The following OR4D9 variants were observed in gnomAD, a reference collection of about 807,000 sequenced individuals.
The protein encoded by OR4D9 is olfactory receptor family 4 subfamily D member 9.
A neutral mutation model predicts 0.8 loss-of-function variants in OR4D9; 2 were observed. That is an observed-to-expected ratio of 2.58 (90% confidence interval 1.06 to 8.13). The LOEUF is 8.13. Ranked by LOEUF, OR4D9 falls within the 30% of genes most tolerant of loss-of-function variation. OR4D9 has a pLI of 0.04. For synonymous variants in OR4D9, 146 were observed against 151.2 expected, an observed-to-expected ratio of 0.97 and a Z score of 0.25; for missense variants, 399 against 384.7, an observed-to-expected ratio of 1.04 and a Z score of -0.31.
rs1859390955 is a variant in OR4D9 at position 59,515,420 on chromosome 11, G to A, written c.508G>A (p.Gly170Arg). 2.5e-6 allele frequency: 4 copies of A among 1,613,864 alleles called. No homozygotes were observed. The highest frequency in any genetic ancestry group is 1.6e-4 in the Middle Eastern group (1 of 6,084). The change falls in exon 3 of 3, where the codon GGA (glycine) becomes AGA (arginine). Residue 170 changes from glycine (G) to arginine (R), a missense_variant. Transcript: ENST00000641962. Reference protein sequence around the residue: ...ISLLLPLPFCGPNVLDTFYCD... With the variant: ...ISLLLPLPFCRPNVLDTFYCD... ...TCTATTGCTCCCACTCCCTTTCTGT[G>A]GACCCAATGTTCTTGACACTTTCTA...
rs1300933947 is a variant in OR4D9, at chr11:59,516,618, C to A, written c.*761C>A. 5 of 152,200 alleles carry A rather than the reference C, an allele frequency of 3.3e-5. No individual in the cohort carries two copies. Among genetic ancestry groups the A allele is most frequent in the African/African-American group, 1.2e-4 (5 of 41,432 alleles). 9.4% of individuals were successfully genotyped at this position (152,200 alleles called of 1,614,324 possible). ...CAAGGGGAAAAAGATCAGAAAAGAA[C>A]AATCCAAGCAAGGAAAACAACATGT... On this transcript the variant is annotated 3_prime_UTR_variant, in exon 3 of 3. Coordinates refer to ENST00000641962, the MANE Select transcript of OR4D9 (RefSeq NM_001004711.2).
rs557182005 is a variant in OR4D9 at position 59,519,662 on chromosome 11, T to G, written c.*3805T>G. ...CAAGTTCGATTAATGCAGAAGCTCC[T>G]TTAGCAATGAATGTTCTCCAAAACT... On this transcript the variant is annotated 3_prime_UTR_variant, in exon 3 of 3. Coordinates refer to ENST00000641962, the MANE Select transcript of OR4D9 (RefSeq NM_001004711.2). 1 of 152,330 alleles carries G rather than the reference T, an allele frequency of 6.6e-6. No individual in the cohort carries two copies. The highest frequency in any genetic ancestry group is 2.1e-4 in the South Asian group (1 of 4,826). The allele number at this position is 152,330 out of a possible 1,614,324, so 9.4% of individuals were successfully genotyped here.
rs147595168 is a variant in OR4D9, at chr11:59,514,987, G to A, written c.75G>A (p.Gln25=). Residue 25 remains glutamine, a synonymous_variant, in exon 3 of 3, where the codon CAG becomes CAA. Transcript: ENST00000641962. ...TTACTCAGTCCCGAGAACTGAGCCA[G>A]GTCTTATTTACCTTCCTGTTTTTGG... ...LGITQSRELS[Q]VLFTFLFLVY... 2 of 1,614,070 alleles carry A rather than the reference G, an allele frequency of 1.2e-6. No individual in the cohort carries two copies. Among genetic ancestry groups the A allele is most frequent in the East Asian group, 2.2e-5 (1 of 44,878 alleles).
intron 1 of OR4D9, among the ~76,000 whole-genome samples, chr11:59,513,552 CT>C (rs1224714123): frequency 6.6e-6 from 1 of 152,108 alleles, no homozygotes; most frequent in Non-Finnish European, 1.5e-5. Flanking sequence ...ATTCTCATTG[CT>C]GTATAGTATT....
In OR4D9 at chr11:59,515,870, A is replaced by G. The variant is rs1859399026; in HGVS notation, c.*13A>G. ...TTTAATTCAATAAGGGTAAGATAGT[A>G]CCCATATTTAAAGATAGACATTAAA... On this transcript the variant is annotated 3_prime_UTR_variant, in exon 3 of 3. Coordinates refer to ENST00000641962, the MANE Select transcript of OR4D9 (RefSeq NM_001004711.2). The G allele has an allele frequency of 1.9e-6, 3 of 1,540,558 alleles. No individual in the cohort carries two copies. The highest frequency in any genetic ancestry group is 1.9e-5 in the Admixed American group (1 of 51,578).
chr11:59,519,250 G>A lies in OR4D9; in HGVS notation c.*3393G>A, dbSNP rs185710479. On this transcript the variant is annotated 3_prime_UTR_variant, in exon 3 of 3. Transcript: ENST00000641962. ...CGCCTGTAGTCCTAGCTACTCAGGAGACTGAGCTGGGAGGATCACTTGAGC... is the reference window on the plus strand; with the variant it reads ...CGCCTGTAGTCCTAGCTACTCAGGAAACTGAGCTGGGAGGATCACTTGAGC... 6.6e-6 allele frequency: 1 copy of A among 152,136 alleles called. No homozygotes were observed. Among genetic ancestry groups the A allele is most frequent in the East Asian group, 1.9e-4 (1 of 5,168 alleles). The allele number at this position is 152,136 out of a possible 1,614,324, so 9.4% of individuals were successfully genotyped here.
chr11:59,514,584 TTTC>T (rs1174601062), intron 1 of OR4D9, 86 bp from the exon 2 acceptor site: 6 of 202,788 alleles, frequency 3.0e-5, no homozygotes, highest in Middle Eastern at 1.8e-3. Flanking sequence ...TATATTCAGA[TTTC>T]TTCTTATTAT....
chr11:59,516,193 AT>A lies in OR4D9; in HGVS notation c.*337del. 5.1e-6 allele frequency: 1 copy of A among 196,134 alleles called. No homozygotes were observed. Among genetic ancestry groups the A allele is most frequent in the Non-Finnish European group, 1.1e-5 (1 of 95,212 alleles). 12.1% of individuals were successfully genotyped at this position (196,134 alleles called of 1,614,324 possible). A position where few individuals can be genotyped will look rare whatever the true frequency, so the allele number is the denominator to read the frequency against. On this transcript the variant is annotated 3_prime_UTR_variant, in exon 3 of 3. Transcript: ENST00000641962. ...TAACCCAAAATACTTATTAAAAAATATAAACAGGCCAGGCGTGGTGGCTCAC... is the reference window on the plus strand; with the variant it reads ...TAACCCAAAATACTTATTAAAAAATAAAACAGGCCAGGCGTGGTGGCTCAC...
chr11:59,511,555 C>G lies in OR4D9; in HGVS notation c.-316C>G, dbSNP rs1252891995. 1 of 152,154 alleles carries G rather than the reference C, an allele frequency of 6.6e-6. No individual in the cohort carries two copies. Among genetic ancestry groups the G allele is most frequent in the Non-Finnish European group, 1.5e-5 (1 of 68,020 alleles). The allele number at this position is 152,154 out of a possible 1,614,324, so 9.4% of individuals were successfully genotyped here. A position where few individuals can be genotyped will look rare whatever the true frequency, so the allele number is the denominator to read the frequency against. On this transcript the variant is annotated 5_prime_UTR_variant, in exon 1 of 3. Coordinates refer to ENST00000641962, the MANE Select transcript of OR4D9 (RefSeq NM_001004711.2). ...ATTAAACAGAGAATTTCCCCAGTAC[C>G]TACTTCTTCTAAAATGCAGCTGAGG... is the stretch of plus-strand genomic sequence containing the variant.
chr11:59,514,900 G>T lies in OR4D9; in HGVS notation c.-13G>T. The stretch of plus-strand genomic sequence containing the variant: ...TCTTCCAGAGATGAACCTGATAAAG[G>T]ATCTGTGATTCAATGGATCAGAGAA... On this transcript the variant is annotated 5_prime_UTR_variant, in exon 3 of 3. Transcript: ENST00000641962. The T allele has an allele frequency of 6.6e-7, 1 of 1,513,498 alleles. No individual in the cohort carries two copies. Among genetic ancestry groups the T allele is most frequent in the Non-Finnish European group, 9.1e-7 (1 of 1,095,066 alleles). The allele number at this position is 1,513,498 out of a possible 1,614,324, so 93.8% of individuals were successfully genotyped here. A position where few individuals can be genotyped will look rare whatever the true frequency, so the allele number is the denominator to read the frequency against.
chr11:59,512,021 A>T (rs904536457), intron 1 of OR4D9, among the ~76,000 whole-genome samples: 3 of 152,212 alleles, frequency 2.0e-5, no homozygotes, highest in Non-Finnish European at 4.4e-5. Flanking sequence ...TAATGACAAG[A>T]TTATCTGTGC....
chr11:59,515,178 CA>C lies in OR4D9; in HGVS notation c.271del (p.Thr91ProfsTer27). On this transcript the variant is annotated frameshift_variant, in exon 3 of 3. Coordinates refer to ENST00000641962, the MANE Select transcript of OR4D9 (RefSeq NM_001004711.2). LOFTEE classifies it low-confidence loss of function (END_TRUNC). ...GTCCTGATAGATCTTCTATCAGAGA[CA>C]AAAACCATCTCCTTCAGTGGCTGTG... ...PKVLIDLLSE[T>X]KTISFSGCVT... is the part of the protein sequence containing the mutation. 1.2e-6 allele frequency: 2 copies of C among 1,614,122 alleles called. No homozygotes were observed. The highest frequency in any genetic ancestry group is 1.7e-6 in the Non-Finnish European group (2 of 1,180,026).
At position 59,515,040 on chromosome 11, in the gene OR4D9, T is replaced by G. The variant is rs1287133795; in HGVS notation, c.128T>G (p.Phe43Cys). The stretch of plus-strand genomic sequence containing the variant: ...TACATGACAACTCTAATGGGAAACT[T>G]CCTCATCATGGTTACAGTTACCTGT... ...LVYMTTLMGN[F>C]LIMVTVTCES... is the part of the protein sequence containing the mutation. Residue 43 changes from phenylalanine (F) to cysteine (C), a missense_variant, in exon 3 of 3, where the codon TTC becomes TGC. Transcript: ENST00000641962. The G allele has an allele frequency of 6.2e-7, 1 of 1,614,092 alleles. No individual in the cohort carries two copies. Among genetic ancestry groups the G allele is most frequent in the South Asian group, 1.1e-5 (1 of 91,080 alleles).
rs1388904295 is a variant in OR4D9, at chr11:59,516,168, T to C, written c.*311T>C. 1.3e-5 allele frequency: 3 copies of C among 232,080 alleles called. No homozygotes were observed. Among genetic ancestry groups the C allele is most frequent in the Non-Finnish European group, 2.5e-5 (3 of 119,048 alleles). The allele number at this position is 232,080 out of a possible 1,614,324, so 14.4% of individuals were successfully genotyped here. On this transcript the variant is annotated 3_prime_UTR_variant, in exon 3 of 3. Coordinates refer to ENST00000641962, the MANE Select transcript of OR4D9 (RefSeq NM_001004711.2). ...AAATGTAGTCACCTTCCTGGAGGCA[T>C]AACCCAAAATACTTATTAAAAAATA...
chr11:59,512,712 G>C lies in OR4D9; in HGVS notation c.-125+966G>C, dbSNP rs113743633. Reference sequence around the variant, plus strand: ...GCCAGGCATGATGGTACAACCTGTAGTCCCAGCTACTGGGGAGGCTGAGGT... The same window carrying C: ...GCCAGGCATGATGGTACAACCTGTACTCCCAGCTACTGGGGAGGCTGAGGT... On this transcript the variant is annotated intron_variant, in intron 1 of 2. Coordinates refer to ENST00000641962, the MANE Select transcript of OR4D9 (RefSeq NM_001004711.2). Among the ~76,000 whole-genome samples the C allele has an allele frequency of 3.6e-3, 550 of 151,032 alleles. 2 individuals carry two copies. The highest frequency in any genetic ancestry group is 0.012 in the African/African-American group (514 of 41,180).
rs1308197413 is a variant in OR4D9, at chr11:59,518,279, T to C, written c.*2422T>C. On this transcript the variant is annotated 3_prime_UTR_variant, in exon 3 of 3. Coordinates refer to ENST00000641962, the MANE Select transcript of OR4D9 (RefSeq NM_001004711.2). The stretch of plus-strand genomic sequence containing the variant: ...TAGGCCAACCACTGCAACAAAAATG[T>C]CCACGGTCTAAGTAGTTAGCCACAA... 6.6e-6 allele frequency: 1 copy of C among 152,282 alleles called. No homozygotes were observed. Among genetic ancestry groups the C allele is most frequent in the Non-Finnish European group, 1.5e-5 (1 of 68,106 alleles). The allele number at this position is 152,282 out of a possible 1,614,324, so 9.4% of individuals were successfully genotyped here. A position where few individuals can be genotyped will look rare whatever the true frequency, so the allele number is the denominator to read the frequency against.
rs781071782 is a variant in OR4D9, at chr11:59,515,746, C to T, written c.834C>T (p.Ile278=). The T allele has an allele frequency of 2.5e-5, 40 of 1,614,136 alleles. No homozygotes were observed. The highest frequency in any genetic ancestry group is 3.3e-5 in the Non-Finnish European group (39 of 1,180,032). Reference sequence around the variant, plus strand: ...CCATCTCTGTCACCTTCACTGTCATCTCCCCTTTGCTCAATCCTATAATTT... The same window carrying T: ...CCATCTCTGTCACCTTCACTGTCATTTCCCCTTTGCTCAATCCTATAATTT... The part of the protein sequence containing the change: ...DTAISVTFTV[I]SPLLNPIIYT... The change falls in exon 3 of 3, where the codon ATC becomes ATT. Residue 278 remains isoleucine (I), a synonymous_variant. Coordinates refer to ENST00000641962, the MANE Select transcript of OR4D9 (RefSeq NM_001004711.2).
In OR4D9 at chr11:59,515,948, T is replaced by C. The variant is rs776296489; in HGVS notation, c.*91T>C. On this transcript the variant is annotated 3_prime_UTR_variant, in exon 3 of 3. Coordinates refer to ENST00000641962, the MANE Select transcript of OR4D9 (RefSeq NM_001004711.2). The stretch of plus-strand genomic sequence containing the variant: ...CTTGTTCATGCCCAAAACAAAGAGA[T>C]ACCTATGGCCACCATCGAGTCCTAA... 3.6e-5 allele frequency: 33 copies of C among 908,462 alleles called. No homozygotes were observed. The highest frequency in any genetic ancestry group is 4.9e-4 in the Middle Eastern group (2 of 4,122). 56.3% of individuals were successfully genotyped at this position (908,462 alleles called of 1,614,324 possible).
At chr11:59,513,191 C>T (rs1859352731) in intron 1 of OR4D9, among the ~76,000 whole-genome samples, 1 of 152,126 alleles carries the variant, frequency 6.6e-6, no homozygotes, top group South Asian at 2.1e-4. Flanking sequence ...TCTCCTGCCT[C>T]AGCCTCCCAA....
Sources: allele counts gnomAD v4.1 joint callset (sites outside exome capture counted in the v4.1 genomes callset), GRCh38; gene constraint gnomAD v4.1.1; transcripts MANE v1.5; gene names NCBI Gene and HGNC (gene_info 2026-07-23, HGNC 2026-07-21).